NEGR1: variants seen among roughly 807,000 people sequenced by gnomAD.
NEGR1 encodes neuronal growth regulator 1.
A neutral mutation model predicts 40.9 loss-of-function variants in NEGR1; 10 were observed. The observed-to-expected ratio is 0.24, with a 90% confidence interval of 0.15 to 0.42. NEGR1 has a LOEUF of 0.42. NEGR1 is among the 10% of genes least tolerant of loss of function. The probability of loss-of-function intolerance (pLI) is 1.00; values close to 1 mark genes in which losing one functional copy is unlikely to be tolerated. For synonymous variants in NEGR1, 185 were observed against 166.8 expected (o/e 1.11, Z -0.84); for missense variants, 352 against 438.9 (o/e 0.80, Z 1.77).
At chr1:72,128,291 C>A (rs145944545) in intron 1 of NEGR1, among the ~76,000 whole-genome samples, 2,473 of 152,208 alleles carry the variant, frequency 0.016, 67 homozygotes, top group African/African-American at 0.057. Context: ...GGTGTTAAAT[C>A]CCTTTAAAGA....
At position 71,407,568 on chromosome 1, in the gene NEGR1, G is replaced by A. The variant is rs1345261987; in HGVS notation, c.943C>T (p.Pro315Ser). The A allele has an allele frequency of 1.2e-6, 2 of 1,611,558 alleles. No individual in the cohort carries two copies. Residue 315 changes from proline (P) to serine (S), a missense_variant and splice_region_variant, in exon 7 of 7, where the codon CCA (proline) becomes TCA (serine). By Grantham distance (74) the Pro-to-Ser change is moderately conservative (BLOSUM62 -1). Transcript: ENST00000357731. Reference protein sequence around the residue: ...TTNASLPLNPPSTAQYGITGS... With the variant: ...TTNASLPLNPSSTAQYGITGS... Reference sequence around the variant, plus strand: ...GTAATTCCATACTGGGCTGTACTTGGAGCTGGAAAGAAATGGAAAAGATTA... The same window carrying A: ...GTAATTCCATACTGGGCTGTACTTGAAGCTGGAAAGAAATGGAAAAGATTA...
intron 1 of NEGR1, among the ~76,000 whole-genome samples, chr1:72,179,638 AC>A (rs1652293762): frequency 6.6e-6 from 1 of 152,096 alleles, no homozygotes; most frequent in African/African-American, 2.4e-5. Flanking sequence ...ATATTGACTA[AC>A]TTGGCATAAA....
intron 1 of NEGR1, among the ~76,000 whole-genome samples, chr1:72,058,011 T>C (rs1647127938): frequency 6.6e-6 from 1 of 151,506 alleles, no homozygotes; most frequent in East Asian, 2.0e-4. Flanking sequence ...TGGCGCACCC[T>C]CTGATTTTTT....
At chr1:71,629,647 A>G (rs1570126451) in intron 4 of NEGR1, among the ~76,000 whole-genome samples, 1 of 151,982 alleles carries the variant, frequency 6.6e-6, no homozygotes, top group Non-Finnish European at 1.5e-5. Flanking sequence ...AAGGTATTCA[A>G]ATAGGAAGAT....
intron 2 of NEGR1, among the ~76,000 whole-genome samples, chr1:71,819,210 G>C (rs778336080): frequency 2.0e-5 from 3 of 151,934 alleles, no homozygotes; most frequent in Non-Finnish European, 2.9e-5. Flanking sequence ...CATATGCATA[G>C]AACTAGTCAG....
At chr1:71,836,198 T>C (rs866881442) in intron 2 of NEGR1, among the ~76,000 whole-genome samples, 97 of 152,062 alleles carry the variant, frequency 6.4e-4, no homozygotes, top group African/African-American at 2.3e-3. Flanking sequence ...GTTAGGCACA[T>C]GAGAGGCATT....
At chr1:71,760,604 T>C (rs1176330455) in intron 3 of NEGR1, among the ~76,000 whole-genome samples, 3 of 152,206 alleles carry the variant, frequency 2.0e-5, no homozygotes, top group Non-Finnish European at 4.4e-5. Flanking sequence ...CCACATAGAA[T>C]GCAACTCTGC....
At chr1:71,907,571 T>C (rs1261380807) in intron 2 of NEGR1, among the ~76,000 whole-genome samples, 1 of 152,122 alleles carries the variant, frequency 6.6e-6, no homozygotes, top group Non-Finnish European at 1.5e-5. Context: ...AAATGTAAAT[T>C]AGTTCAGCAA....
chr1:71,455,697 C>G (rs1161145638), intron 6 of NEGR1, among the ~76,000 whole-genome samples: 1 of 152,170 alleles, frequency 6.6e-6, no homozygotes, highest in Non-Finnish European at 1.5e-5. Context: ...TGCACTCCAG[C>G]CTGGCCATCG....
chr1:72,175,693 AAC>A (rs1263927422), intron 1 of NEGR1, among the ~76,000 whole-genome samples: 3 of 152,042 alleles, frequency 2.0e-5, no homozygotes, highest in Non-Finnish European at 2.9e-5. Context: ...TTAAAAAAAA[AAC>A]ACATGTGAAC....
intron 1 of NEGR1, among the ~76,000 whole-genome samples, chr1:71,983,299 C>CA (rs1187621855): frequency 6.6e-6 from 1 of 151,994 alleles, no homozygotes; most frequent in African/African-American, 2.4e-5. Flanking sequence ...AACTTCAATA[C>CA]ATTGATGAAG....
chr1:71,455,301 T>C (rs879596537), intron 6 of NEGR1, among the ~76,000 whole-genome samples: 3 of 152,230 alleles, frequency 2.0e-5, no homozygotes, highest in Non-Finnish European at 4.4e-5. Context: ...CCTAAGTCTC[T>C]GAATAAGTAT....
At chr1:71,674,599 C>CAG (rs1652551846) in intron 4 of NEGR1, among the ~76,000 whole-genome samples, 1 of 151,660 alleles carries the variant, frequency 6.6e-6, no homozygotes, top group Non-Finnish European at 1.5e-5. Flanking sequence ...CACACACACA[C>CAG]ACACACACAC....
rs1400871075 is a variant in NEGR1 at position 72,265,430 on chromosome 1, C to T, written c.176+16889G>A. The stretch of plus-strand genomic sequence containing the variant: ...AGAAAAATAACTGAAATGTAAACAC[C>T]CAATTTAATTAAATAACTAAGAATT... On this transcript the variant is annotated intron_variant, in intron 1 of 6. Transcript: ENST00000357731. 2.7e-5 allele frequency among the ~76,000 whole-genome samples: 4 copies of T among 150,624 alleles called. No homozygotes were observed. The East Asian group carries it at 5.8e-4, about 22-fold the overall frequency.
At chr1:71,407,605 A>G in intron 6 of NEGR1, 35 bp from the exon 7 acceptor site, 2 of 1,605,918 alleles carry the variant, frequency 1.2e-6, no homozygotes, top group Non-Finnish European at 1.7e-6. Context: ...ATCAAAATCT[A>G]ATTTGTGTCT....
At chr1:71,682,181 G>A (rs1433470191) in intron 4 of NEGR1, among the ~76,000 whole-genome samples, 1 of 151,560 alleles carries the variant, frequency 6.6e-6, no homozygotes, top group Non-Finnish European at 1.5e-5. Context: ...CCCCTCTTTA[G>A]TTATATCTAA....
At chr1:72,124,872 T>C (rs1482578692) in intron 1 of NEGR1, among the ~76,000 whole-genome samples, 2 of 152,130 alleles carry the variant, frequency 1.3e-5, no homozygotes, top group South Asian at 2.1e-4. Flanking sequence ...AAGTCACCTA[T>C]ATGATTTTAA....
At chr1:71,874,736 T>C (rs1279220902) in intron 2 of NEGR1, among the ~76,000 whole-genome samples, 3 of 152,180 alleles carry the variant, frequency 2.0e-5, no homozygotes, top group Non-Finnish European at 4.4e-5. Flanking sequence ...AAAAGATAGT[T>C]TACACTAAGA....
At chr1:71,602,573 G>A (rs1649961985) in intron 5 of NEGR1, among the ~76,000 whole-genome samples, 1 of 152,104 alleles carries the variant, frequency 6.6e-6, no homozygotes, top group Non-Finnish European at 1.5e-5. Context: ...TCTTAACCCC[G>A]TGGAATGTTT....
Sources: gnomAD v4.1 joint callset for allele counts (sites outside exome capture counted in the v4.1 genomes callset) on GRCh38, gnomAD v4.1.1 for gene constraint, MANE v1.5 for transcripts, NCBI Gene and HGNC (gene_info 2026-07-23, HGNC 2026-07-21) for gene names.